Variants in CDH13 observed in about 807,000 individuals in gnomAD.
CDH13 encodes cadherin 13.
Under a neutral mutation model 63.8 loss-of-function variants are expected in CDH13, and 24 were observed. The ratio of observed to expected loss-of-function variants is 0.38; its 90% confidence interval spans 0.27 to 0.53. The LOEUF is 0.53. Ranked by LOEUF, CDH13 falls within the 20% of genes least tolerant of loss-of-function variation. The pLI is 0.85. For synonymous variants in CDH13, 503 were observed against 355.3 expected (o/e 1.42, Z -4.67); for missense variants, 1,049 against 903.1 (o/e 1.16, Z -2.07).
intron 6 of CDH13, among the ~76,000 whole-genome samples, chr16:83,476,476 C>A (rs2151547037): frequency 6.6e-6 from 1 of 152,276 alleles, no homozygotes; most frequent in South Asian, 2.1e-4. Context: ...AGTTTGAGAC[C>A]AGCCTGGCCA....
At chr16:83,118,337 C>G (rs922296526) in intron 3 of CDH13, among the ~76,000 whole-genome samples, 1 of 152,222 alleles carries the variant, frequency 6.6e-6, no homozygotes, top group Non-Finnish European at 1.5e-5. Context: ...TGATGCATGT[C>G]TGTTGCATGT....
At chr16:83,424,400 C>A (rs572892792) in intron 6 of CDH13, among the ~76,000 whole-genome samples, 1 of 152,210 alleles carries the variant, frequency 6.6e-6, no homozygotes, top group African/African-American at 2.4e-5. Context: ...TTTAATCACA[C>A]AAGCAGCCTT....
chr16:83,149,362 C>G (rs2036879068), intron 4 of CDH13, among the ~76,000 whole-genome samples: 1 of 152,178 alleles, frequency 6.6e-6, no homozygotes, highest in South Asian at 2.1e-4. Flanking sequence ...GCAATGACAT[C>G]TCATGAGGCG....
chr16:82,871,973 T>C (rs186788614), intron 2 of CDH13, among the ~76,000 whole-genome samples: 1 of 152,358 alleles, frequency 6.6e-6, no homozygotes, highest in African/African-American at 2.4e-5. Context: ...TTTACGTGCT[T>C]ATCCCTAAGC....
intron 1 of CDH13, among the ~76,000 whole-genome samples, chr16:82,777,253 G>T (rs1173806237): frequency 2.0e-5 from 3 of 152,202 alleles, no homozygotes; most frequent in Admixed American, 6.5e-5. Context: ...ACAGGCACGA[G>T]CCACTGTGCC....
chr16:83,105,454 A>G (rs756555642), intron 3 of CDH13, among the ~76,000 whole-genome samples: 2 of 152,214 alleles, frequency 1.3e-5, no homozygotes, highest in African/African-American at 4.8e-5. Flanking sequence ...TTATGAGGCA[A>G]TTCGGCTGCC....
chr16:83,251,890 C>T (rs879486908), intron 5 of CDH13, among the ~76,000 whole-genome samples: 2 of 151,816 alleles, frequency 1.3e-5, no homozygotes, highest in African/African-American at 2.4e-5. Flanking sequence ...GAGGCCTTCC[C>T]CTCACCAAGC....
chr16:83,326,677 A>G (rs560809327), intron 5 of CDH13, among the ~76,000 whole-genome samples: 1 of 152,276 alleles, frequency 6.6e-6, no homozygotes, highest in East Asian at 1.9e-4. Flanking sequence ...TTGTCTCTGC[A>G]TGGCCCGCAA....
chr16:83,302,450 T>C (rs2089771713), intron 5 of CDH13, among the ~76,000 whole-genome samples: 4 of 152,216 alleles, frequency 2.6e-5, no homozygotes, highest in Admixed American at 2.0e-4. Flanking sequence ...CCAACATTTA[T>C]GTCAAGAAGG....
At chr16:82,807,616 C>T (rs1219494353) in intron 1 of CDH13, among the ~76,000 whole-genome samples, 2 of 152,128 alleles carry the variant, frequency 1.3e-5, no homozygotes, top group Non-Finnish European at 1.5e-5. Context: ...TACACTCGCT[C>T]TTGAAAATGC....
intron 7 of CDH13, among the ~76,000 whole-genome samples, chr16:83,525,655 C>T (rs1040893879): frequency 2.6e-5 from 4 of 152,088 alleles, no homozygotes; most frequent in African/African-American, 9.7e-5. Flanking sequence ...TTTAGTGCCC[C>T]AGAAGCTGGG....
chr16:83,235,975 C>T (rs952450410), intron 5 of CDH13, among the ~76,000 whole-genome samples: 14 of 152,120 alleles, frequency 9.2e-5, no homozygotes, highest in African/African-American at 2.9e-4. Context: ...GCAATTGAAA[C>T]TCATGATGCT....
chr16:83,241,674 A>C lies in CDH13; in HGVS notation c.636+24177A>C, dbSNP rs115780580. 7.8e-3 allele frequency among the ~76,000 whole-genome samples: 1,180 copies of C among 152,122 alleles called. 10 individuals are homozygous for C. The highest frequency in any genetic ancestry group is 0.027 in the African/African-American group (1,113 of 41,502). On this transcript the variant is annotated intron_variant, in intron 5 of 13. Transcript: ENST00000567109. ...CAGGCCCCTTGCCCATTTTTTAATC[A>C]GTTTATTTGGATTTTTGTTGGATGA...
rs112137570 is a variant in CDH13, at chr16:82,901,137, T to A, written c.157+42664T>A. ...GAGAGCATGATCTCCTGGAATCTGT[T>A]TAGGGAATAAAAATGTCCGTACAGA... On this transcript the variant is annotated intron_variant, in intron 2 of 13. Transcript: ENST00000567109. Among the ~76,000 whole-genome samples, 416 of 152,072 alleles carry A rather than the reference T, an allele frequency of 2.7e-3. 1 individual carries two copies. Among genetic ancestry groups the A allele is most frequent in the African/African-American group, 9.5e-3 (396 of 41,478 alleles).
At chr16:82,774,781 T>G (rs886123199) in intron 1 of CDH13, among the ~76,000 whole-genome samples, 6 of 152,276 alleles carry the variant, frequency 3.9e-5, no homozygotes, top group African/African-American at 1.4e-4. Flanking sequence ...TGAGCGGGTT[T>G]AATTCTCCTT....
intron 2 of CDH13, among the ~76,000 whole-genome samples, chr16:82,915,100 A>T (rs941424307): frequency 2.0e-5 from 3 of 152,246 alleles, no homozygotes; most frequent in Non-Finnish European, 4.4e-5. Context: ...TGTAACCCTG[A>T]GACAGCTTAA....
In CDH13 at chr16:83,385,769, C is replaced by G. The variant is rs149767050; in HGVS notation, c.781+40763C>G. On this transcript the variant is annotated intron_variant, in intron 6 of 13. Transcript: ENST00000567109. ...ATATATGGGAACCTCCTCACATTCA[C>G]CAAATGGAATCTTTGGTGAATTCTA... Among the ~76,000 whole-genome samples the G allele has an allele frequency of 7.5e-3, 1,141 of 152,244 alleles. 9 individuals are homozygous for G. The highest frequency in any genetic ancestry group is 0.011 in the Non-Finnish European group (774 of 68,012).
chr16:83,103,838 T>C (rs1168545622), intron 3 of CDH13, among the ~76,000 whole-genome samples: 1 of 152,240 alleles, frequency 6.6e-6, no homozygotes, highest in Non-Finnish European at 1.5e-5. Flanking sequence ...TCTGTCATTT[T>C]CTAGAACACA....
At chr16:83,182,137 G>T (rs949550635) in intron 4 of CDH13, among the ~76,000 whole-genome samples, 1 of 152,170 alleles carries the variant, frequency 6.6e-6, no homozygotes. Context: ...CTTAAACTGA[G>T]CAAGAGCAAT....
Sources: gnomAD v4.1 joint callset for allele counts (sites outside exome capture counted in the v4.1 genomes callset) on GRCh38, gnomAD v4.1.1 for gene constraint, MANE v1.5 for transcripts, NCBI Gene and HGNC (gene_info 2026-07-23, HGNC 2026-07-21) for gene names.